Variants in MATN2 observed in about 807,000 individuals in gnomAD.
MATN2 encodes matrilin-2.
Under a neutral mutation model 103.2 loss-of-function variants are expected in MATN2, and 69 were observed. The ratio of observed to expected loss-of-function variants is 0.67; its 90% CI spans 0.55 to 0.82. MATN2 has a LOEUF of 0.82. Among genes scored for constraint, MATN2 ranks in the 40% least tolerant of loss-of-function variants. MATN2 has a pLI of 0.00. For synonymous variants in MATN2, 429 were observed against 450.2 expected (o/e 0.95, Z 0.60); for missense variants, 1,023 against 1,211.5 (o/e 0.84, Z 2.31).
chr8:97,900,789 G>C (rs1168539764), intron 2 of MATN2, among the ~76,000 whole-genome samples: 1 of 152,098 alleles, frequency 6.6e-6, no homozygotes, highest in Non-Finnish European at 1.5e-5. Flanking sequence ...CAAAAAATTA[G>C]ACGGGTGTGG....
chr8:97,961,270 T>C (rs1204203108), intron 4 of MATN2, 138 bp from the exon 5 acceptor site: 14 of 794,718 alleles, frequency 1.8e-5, no homozygotes, highest in Non-Finnish European at 2.4e-5. Flanking sequence ...TTTTCTACTA[T>C]GATCACGTAT....
chr8:97,931,319 A>T lies in MATN2; in HGVS notation c.509A>T (p.Asp170Val). The change falls in exon 3 of 19, where the codon GAT (aspartate) becomes GTT (valine). Residue 170 changes from aspartate to valine, a missense_variant. By Grantham distance (152) the Asp-to-Val change is radical (BLOSUM62 -3). Transcript: ENST00000254898. This position sits in a 1 kb window ranked among gnomAD's most constrained non-coding sequence, Gnocchi z 4.1. The stretch of plus-strand genomic sequence containing the variant: ...CCACGGGTCATAATGATCGTGACAG[A>T]TGGGAGACCTCAGGACTCCGTGGCC... ...NVPRVIMIVT[D>V]GRPQDSVAEV... 1 of 1,613,888 alleles carries T rather than the reference A, an allele frequency of 6.2e-7. No homozygotes were observed. The highest frequency in any genetic ancestry group is 2.2e-5 in the East Asian group (1 of 44,854).
At chr8:97,884,635 G>T (rs572843805) in intron 1 of MATN2, among the ~76,000 whole-genome samples, 364 of 152,134 alleles carry the variant, frequency 2.4e-3, no homozygotes, top group Non-Finnish European at 4.1e-3. Context: ...GCTGGGCATG[G>T]TGTGGCGCAC....
At chr8:97,900,606 G>A (rs1818946517) in intron 2 of MATN2, among the ~76,000 whole-genome samples, 1 of 152,134 alleles carries the variant, frequency 6.6e-6, no homozygotes, top group Non-Finnish European at 1.5e-5. Context: ...GGGCTCGCTT[G>A]TTCCAGCCTA....
At chr8:97,876,933 C>T (rs541573193) in intron 1 of MATN2, among the ~76,000 whole-genome samples, 7 of 151,674 alleles carry the variant, frequency 4.6e-5, no homozygotes, top group African/African-American at 1.7e-4. Flanking sequence ...TGCGTAATAT[C>T]CCATTATATG....
At chr8:97,889,239 A>C (rs1818544470) in intron 2 of MATN2, among the ~76,000 whole-genome samples, 1 of 152,028 alleles carries the variant, frequency 6.6e-6, no homozygotes, top group South Asian at 2.1e-4. Flanking sequence ...AGGGACCTAA[A>C]GAGCCCTGTT....
At chr8:98,028,350 A>G (rs2130448553) in intron 14 of MATN2, among the ~76,000 whole-genome samples, 1 of 152,310 alleles carries the variant, frequency 6.6e-6, no homozygotes, top group South Asian at 2.1e-4. Flanking sequence ...AAATCAAATG[A>G]TGGAACAGAT....
At chr8:98,004,605 C>T (rs1812903617) in intron 8 of MATN2, among the ~76,000 whole-genome samples, 1 of 152,192 alleles carries the variant, frequency 6.6e-6, no homozygotes, top group African/African-American at 2.4e-5. Flanking sequence ...GGTAAACTTC[C>T]AATCAAGGGG....
chr8:97,869,801 G>A (rs1436017130), intron 1 of MATN2, among the ~76,000 whole-genome samples: 1 of 152,174 alleles, frequency 6.6e-6, no homozygotes, highest in Non-Finnish European at 1.5e-5. Context: ...GGGAGAGAAA[G>A]GGGAAGGCAT....
At chr8:97,996,642 C>A (rs1812597876) in intron 7 of MATN2, among the ~76,000 whole-genome samples, 1 of 152,234 alleles carries the variant, frequency 6.6e-6, no homozygotes, top group African/African-American at 2.4e-5. Context: ...AACCCTGACT[C>A]CTGAGGTCAG....
intron 1 of MATN2, among the ~76,000 whole-genome samples, chr8:97,887,289 CCTT>C (rs1247781870): frequency 6.6e-6 from 1 of 152,044 alleles, no homozygotes; most frequent in Non-Finnish European, 1.5e-5. Context: ...ATCAAGCAAT[CCTT>C]CTATCTAGGC....
chr8:98,008,388 C>T (rs1418950286), intron 10 of MATN2, among the ~76,000 whole-genome samples: 2 of 152,074 alleles, frequency 1.3e-5, no homozygotes, highest in African/African-American at 4.8e-5. Context: ...AGAAAAGGAC[C>T]ACCATTTATC....
chr8:97,949,780 T>TA (rs1313672161), intron 4 of MATN2, among the ~76,000 whole-genome samples: 2 of 152,204 alleles, frequency 1.3e-5, no homozygotes, highest in African/African-American at 4.8e-5. Context: ...GAATGGGTGA[T>TA]ACACTGCAAT....
At position 97,944,332 on chromosome 8, in the gene MATN2, C is replaced by T. The variant is rs574560801; in HGVS notation, c.835+2433C>T. On this transcript the variant is annotated intron_variant, in intron 4 of 18. Transcript: ENST00000254898. ...AGGGCTTAGCAGAGCTCTGCTGTCCCGTCTGACCCAGCTCTCCAGTCACCC... is the reference window on the plus strand; with the variant it reads ...AGGGCTTAGCAGAGCTCTGCTGTCCTGTCTGACCCAGCTCTCCAGTCACCC... 3.4e-4 allele frequency among the ~76,000 whole-genome samples: 52 copies of T among 152,324 alleles called. No individual in the cohort carries two copies. In the South Asian group the frequency reaches 9.5e-3, roughly 28 times the overall value.
intron 10 of MATN2, among the ~76,000 whole-genome samples, chr8:98,012,656 T>C (rs1274981208): frequency 6.6e-6 from 1 of 152,158 alleles, no homozygotes; most frequent in African/African-American, 2.4e-5. Flanking sequence ...CTGGCTGGCC[T>C]CTCTTGAGAA....
At position 98,036,338 on chromosome 8, in the gene MATN2, A is replaced by T. The variant is rs569750536; in HGVS notation, c.*626A>T. ...CAGTAATCAGGAAAATGCAGGTTAA[A>T]ACAATACCATTTTTCACCCATCAGC... On this transcript the variant is annotated 3_prime_UTR_variant, in exon 19 of 19. Transcript: ENST00000254898. 6.6e-6 allele frequency: 1 copy of T among 152,364 alleles called. No homozygotes were observed. The highest frequency in any genetic ancestry group is 1.5e-5 in the Non-Finnish European group (1 of 68,040). 9.4% of individuals were successfully genotyped at this position (152,364 alleles called of 1,614,324 possible).
chr8:98,029,942 T>C (rs1462592914), intron 14 of MATN2, among the ~76,000 whole-genome samples: 2 of 152,206 alleles, frequency 1.3e-5, no homozygotes, highest in South Asian at 4.1e-4. Flanking sequence ...CAATGGTCTG[T>C]AGATTATCCT....
chr8:97,936,091 G>C (rs752339619), intron 3 of MATN2, among the ~76,000 whole-genome samples: 3 of 152,178 alleles, frequency 2.0e-5, no homozygotes, highest in Non-Finnish European at 2.9e-5. Context: ...GGCCACCCTT[G>C]AGACCACCAG....
At chr8:97,930,835 T>C (rs1385755389) in intron 2 of MATN2, 118 bp from the exon 3 acceptor site, 1 of 635,312 alleles carries the variant, frequency 1.6e-6, no homozygotes, top group Non-Finnish European at 2.7e-6. Context: ...TTGACCAGGC[T>C]GGTCTTGAAT....
Sources: gnomAD v4.1 joint callset for allele counts (sites outside exome capture counted in the v4.1 genomes callset) on GRCh38, gnomAD v4.1.1 for gene constraint, Gnocchi (gnomAD v3.1) non-coding constraint, MANE v1.5 for transcripts, NCBI Gene and HGNC (gene_info 2026-07-23, HGNC 2026-07-21) for gene names.